AQP7: variants seen among roughly 807,000 people sequenced by gnomAD.
AQP7 encodes the protein aquaporin 7.
A neutral mutation model predicts 26.1 loss-of-function variants in AQP7; 22 were observed. That is an observed-to-expected ratio of 0.84 (90% CI 0.60 to 1.20). The LOEUF (loss-of-function observed/expected upper bound fraction) is 1.20. AQP7 is among the 50% of genes most tolerant of loss of function. The pLI, the probability that AQP7 is intolerant of heterozygous loss-of-function variation, is 0.00. For missense variants in AQP7, 412 were observed against 457.5 expected, an observed-to-expected ratio of 0.90 and a Z score of 0.91; for synonymous variants, 167 against 181.7, an observed-to-expected ratio of 0.92 and a Z score of 0.65.
chr9:33,392,320 T>A (rs1268109586), intron 3 of AQP7, among the ~76,000 whole-genome samples: 3 of 149,916 alleles, frequency 2.0e-5, no homozygotes, highest in Non-Finnish European at 4.4e-5. Context: ...AAAAAGACTG[T>A]GATATTAGAC....
At position 33,384,817 on chromosome 9, in the gene AQP7, C is replaced by T. The variant is rs902020970; in HGVS notation, c.*188G>A. On this transcript the variant is annotated 3_prime_UTR_variant, in exon 8 of 8. Coordinates refer to ENST00000297988, the MANE Select transcript of AQP7 (RefSeq NM_001170.3). ...TTCCCCATTCTCCCCCTGGGGCACC[C>T]CAGTTCCCAGGGCATGAAAGACTTG... The T allele has an allele frequency of 1.1e-5, 7 of 663,936 alleles. No homozygotes were observed. Among genetic ancestry groups the T allele is most frequent in the Middle Eastern group, 4.3e-4 (1 of 2,308 alleles). The allele number at this position is 663,936 out of a possible 1,614,324, so 41.1% of individuals were successfully genotyped here. A position where few individuals can be genotyped will look rare whatever the true frequency, so the allele number is the denominator to read the frequency against.
chr9:33,387,049 T>G lies in AQP7; in HGVS notation c.188A>C (p.Lys63Thr), dbSNP rs4008658. ...GSVAHMVLNK[K>T]YGSYLGVNLG... is the part of the protein sequence containing the mutation. ...GTTGACACCAAGGTAGCTCCCATAT[T>G]TTTTATTTAGAACCATATGGGCCAC... Residue 63 changes from lysine (K) to threonine (T), a missense_variant, in exon 4 of 8, where the codon AAA (lysine) becomes ACA (threonine). By Grantham distance (78) the Lys-to-Thr change is moderately conservative. Transcript: ENST00000297988. The G allele has an allele frequency of 1.4e-5, 22 of 1,611,752 alleles. No individual in the cohort carries two copies. Among genetic ancestry groups the G allele is most frequent in the Middle Eastern group, 2.2e-4 (1 of 4,452 alleles).
At chr9:33,389,395 G>A (rs1825173678) in intron 3 of AQP7, among the ~76,000 whole-genome samples, 3 of 152,140 alleles carry the variant, frequency 2.0e-5, no homozygotes, top group East Asian at 1.9e-4. Flanking sequence ...GGCTGGTCTC[G>A]AGCTCCTGGC....
At position 33,391,100 on chromosome 9, in the gene AQP7, C is replaced by T. The variant is rs183207960; in HGVS notation, c.144+3978G>A. On this transcript the variant is annotated intron_variant, in intron 3 of 7. Transcript: ENST00000297988. ...CCAGCCTGGGCAACAGGGTGAGACT[C>T]GGTCTCAAAATAAATAAATAAAATA... Among the ~76,000 whole-genome samples, 97 of 152,224 alleles carry T rather than the reference C, an allele frequency of 6.4e-4. 1 individual carries two copies. The highest frequency in any genetic ancestry group is 2.7e-3 in the East Asian group (14 of 5,180).
chr9:33,385,021 G>T lies in AQP7; in HGVS notation c.1013C>A (p.Ala338Asp). ...AATCTCTGCTTAGAAGTGCTCTAGG[G>T]CCATGGATTCATGTAAGGGTGGGGC... is the stretch of plus-strand genomic sequence containing the variant. Reference protein sequence around the residue: ...HPAPPLHESMALEHF With the variant: ...HPAPPLHESMDLEHF The change falls in exon 8 of 8, where the codon GCC becomes GAC. Residue 338 changes from alanine (A) to aspartate (D), a missense_variant. Ala to Asp is a moderately radical substitution (Grantham distance 126). Coordinates refer to ENST00000297988, the MANE Select transcript of AQP7 (RefSeq NM_001170.3). The T allele has an allele frequency of 6.2e-7, 1 of 1,611,480 alleles. No individual in the cohort carries two copies. The highest frequency in any genetic ancestry group is 8.5e-7 in the Non-Finnish European group (1 of 1,179,616).
At chr9:33,387,799 C>T (rs926637351) in intron 3 of AQP7, among the ~76,000 whole-genome samples, 5 of 152,082 alleles carry the variant, frequency 3.3e-5, no homozygotes, top group Non-Finnish European at 5.9e-5. Context: ...GCCTCCGTCT[C>T]CCCCATACCT....
chr9:33,396,493 G>A (rs200960675), intron 2 of AQP7, among the ~76,000 whole-genome samples: 1 of 145,658 alleles, frequency 6.9e-6, no homozygotes, highest in African/African-American at 2.5e-5. Context: ...ACCTCTAAGT[G>A]TGGCCTTAGT....
At chr9:33,400,782 G>A (rs1826208511) in intron 2 of AQP7, among the ~76,000 whole-genome samples, 1 of 151,692 alleles carries the variant, frequency 6.6e-6, no homozygotes, top group Non-Finnish European at 1.5e-5. Context: ...TCCAGCCTGG[G>A]CGACAGAACT....
rs1468629772 is a variant in AQP7, at chr9:33,386,505, C to T, written c.305G>A (p.Cys102Tyr). The T allele has an allele frequency of 2.5e-6, 4 of 1,612,604 alleles. No individual in the cohort carries two copies. Among genetic ancestry groups the T allele is most frequent in the Middle Eastern group, 1.7e-4 (1 of 6,046 alleles). ...CCTCCAGGGCACGCGGCCCAGCGCA[C>T]AGTTAGCAAAGGTCACAGCTGCGTT... Reference protein sequence around the residue: ...HMNAAVTFANCALGRVPWRKF... With the variant: ...HMNAAVTFANYALGRVPWRKF... Residue 102 changes from cysteine to tyrosine, a missense_variant, in exon 5 of 8, where the codon TGT becomes TAT. By Grantham distance (194) the Cys-to-Tyr change is radical. Coordinates refer to ENST00000297988, the MANE Select transcript of AQP7 (RefSeq NM_001170.3).
chr9:33,383,207 G>C lies in AQP7; in HGVS notation c.*1798C>G, dbSNP rs765211254. 1 of 152,136 alleles carries C rather than the reference G, an allele frequency of 6.6e-6. No individual in the cohort carries two copies. Among genetic ancestry groups the C allele is most frequent in the African/African-American group, 2.4e-5 (1 of 41,412 alleles). 9.4% of individuals were successfully genotyped at this position (152,136 alleles called of 1,614,324 possible). On this transcript the variant is annotated 3_prime_UTR_variant, in exon 8 of 8. Coordinates refer to ENST00000297988, the MANE Select transcript of AQP7 (RefSeq NM_001170.3). ...TTCTCAACATTTTACATGTGGTAGC[G>C]CATTTAATATTCACAGCAACACAAA...
intron 2 of AQP7, among the ~76,000 whole-genome samples, chr9:33,398,654 C>A (rs1826024153): frequency 6.6e-6 from 1 of 152,176 alleles, no homozygotes; most frequent in South Asian, 2.1e-4. Context: ...GGAGAATGGA[C>A]AAGGAGGCCC....
chr9:33,397,853 C>T (rs1825964486), intron 2 of AQP7, among the ~76,000 whole-genome samples: 1 of 152,198 alleles, frequency 6.6e-6, no homozygotes, highest in Non-Finnish European at 1.5e-5. Context: ...CCTTCCTCAT[C>T]ACCACACAGC....
chr9:33,384,906 G>C lies in AQP7; in HGVS notation c.*99C>G, dbSNP rs888067703. 6.3e-5 allele frequency: 89 copies of C among 1,402,688 alleles called. No individual in the cohort carries two copies. In the African/African-American group the frequency reaches 1.2e-3, roughly 19 times the overall value. 86.9% of individuals were successfully genotyped at this position (1,402,688 alleles called of 1,614,324 possible). ...CTGGAGCTCCTGTAAGAACCCAGGA[G>C]GGAAGCCCAACCACAGGAGGCCCCC... On this transcript the variant is annotated 3_prime_UTR_variant, in exon 8 of 8. Coordinates refer to ENST00000297988, the MANE Select transcript of AQP7 (RefSeq NM_001170.3).
At chr9:33,398,149 A>T (rs538359471) in intron 2 of AQP7, among the ~76,000 whole-genome samples, 2 of 151,696 alleles carry the variant, frequency 1.3e-5, no homozygotes, top group African/African-American at 4.8e-5. Flanking sequence ...AGAAGGCTGG[A>T]GGGTAAAGGA....
intron 3 of AQP7, 46 bp downstream of exon 3, chr9:33,395,032 C>T (rs2380999): frequency 5.7e-5 from 87 of 1,533,232 alleles, no homozygotes; most frequent in East Asian, 4.5e-4. Flanking sequence ...GGGTCATGGA[C>T]GGCCCTGGCG....
intron 2 of AQP7, among the ~76,000 whole-genome samples, chr9:33,396,485 C>G (rs1825860381): frequency 6.8e-6 from 1 of 147,306 alleles, no homozygotes; most frequent in African/African-American, 2.5e-5. Flanking sequence ...ATACAGATAC[C>G]TCTAAGTGTG....
At chr9:33,397,632 T>C (rs1311288685) in intron 2 of AQP7, among the ~76,000 whole-genome samples, 1 of 152,064 alleles carries the variant, frequency 6.6e-6, no homozygotes, top group East Asian at 1.9e-4. Flanking sequence ...CCTGGACATC[T>C]CTCATTCCCT....
intron 2 of AQP7, among the ~76,000 whole-genome samples, chr9:33,398,203 G>A (rs1825989368): frequency 6.6e-6 from 1 of 151,586 alleles, no homozygotes; most frequent in Non-Finnish European, 1.5e-5. Context: ...GGACTGGCAT[G>A]TGCAAAGGCC....
chr9:33,399,442 A>AT (rs1826083923), intron 2 of AQP7, among the ~76,000 whole-genome samples: 1 of 151,610 alleles, frequency 6.6e-6, no homozygotes, highest in African/African-American at 2.4e-5. Context: ...TAATAATAAA[A>AT]AAAAAATTAG....
Sources: allele counts gnomAD v4.1 joint callset (sites outside exome capture counted in the v4.1 genomes callset), GRCh38; gene constraint gnomAD v4.1.1; transcripts MANE v1.5; gene names NCBI Gene and HGNC (gene_info 2026-07-23, HGNC 2026-07-21).